Variants in UBE3A observed in about 807,000 individuals in gnomAD.
The protein encoded by UBE3A is ubiquitin-protein ligase E3A.
Under a neutral mutation model 83.4 loss-of-function variants are expected in UBE3A, and 6 were observed. The observed-to-expected ratio is 0.07, with a 90% CI of 0.04 to 0.14. The LOEUF (loss-of-function observed/expected upper bound fraction) is 0.14. UBE3A is among the 10% of genes least tolerant of loss of function. The pLI is 1.00. For synonymous variants in UBE3A, 337 were observed against 355.4 expected (o/e 0.95, Z 0.58); for missense variants, 456 against 1,036.1 (o/e 0.44, Z 7.69).
intron 11 of UBE3A, among the ~76,000 whole-genome samples, chr15:25,348,522 G>A (rs2076049193): frequency 6.6e-6 from 1 of 151,994 alleles, no homozygotes; most frequent in African/African-American, 2.4e-5. Context: ...CATAAACATT[G>A]GAAAGAAAGA....
At chr15:25,379,844 A>G (rs934006610) in intron 4 of UBE3A, among the ~76,000 whole-genome samples, 5 of 152,216 alleles carry the variant, frequency 3.3e-5, no homozygotes, top group African/African-American at 9.7e-5. Flanking sequence ...TTGAAAAATA[A>G]TAATAGTTTG....
intron 11 of UBE3A, among the ~76,000 whole-genome samples, chr15:25,353,576 C>G (rs1410092038): frequency 6.6e-6 from 1 of 152,168 alleles, no homozygotes; most frequent in Non-Finnish European, 1.5e-5. Context: ...CAAGGGTCAA[C>G]TGTAATATAA....
chr15:25,428,342 C>T (rs1011141256), intron 1 of UBE3A, among the ~76,000 whole-genome samples: 2 of 151,928 alleles, frequency 1.3e-5, no homozygotes, highest in African/African-American at 4.8e-5. Flanking sequence ...CAAAGAGTAA[C>T]AAAAAATCCT....
chr15:25,375,035 AC>A (rs2080975893), intron 5 of UBE3A: 1 of 206,934 alleles, frequency 4.8e-6, no homozygotes, highest in Non-Finnish European at 9.8e-6. Context: ...CATAACTATC[AC>A]AAAATTTTGT....
At chr15:25,339,410 ACTAC>A in intron 12 of UBE3A, 153 bp from the exon 13 acceptor site, 1 of 913,186 alleles carries the variant, frequency 1.1e-6, no homozygotes, top group Middle Eastern at 3.6e-4. Context: ...TTGTTGTGTA[ACTAC>A]CAAGTTGCCT....
At chr15:25,437,468 T>C (rs1366111005) in intron 1 of UBE3A, among the ~76,000 whole-genome samples, 1 of 152,196 alleles carries the variant, frequency 6.6e-6, no homozygotes, top group Non-Finnish European at 1.5e-5. Flanking sequence ...AAAACTGTAA[T>C]AATTTGCTGC....
intron 4 of UBE3A, among the ~76,000 whole-genome samples, chr15:25,402,978 C>G (rs924094098): frequency 3.3e-5 from 5 of 152,092 alleles, no homozygotes; most frequent in African/African-American, 1.2e-4. Context: ...GTCTGGCATC[C>G]CAACCTTTCC....
At chr15:25,403,116 TCTGG>T (rs1309886257) in intron 4 of UBE3A, among the ~76,000 whole-genome samples, 2 of 152,222 alleles carry the variant, frequency 1.3e-5, no homozygotes, top group African/African-American at 4.8e-5. Context: ...TGCATAATCT[TCTGG>T]CTATTGGAGA....
intron 8 of UBE3A, 144 bp downstream of exon 8, chr15:25,356,541 GTACTTC>G: frequency 2.6e-6 from 2 of 769,776 alleles, no homozygotes; most frequent in Middle Eastern, 3.9e-4. Context: ...AGTGTTTCTG[GTACTTC>G]GGTCAGATTA....
rs1057523244 is a variant in UBE3A, at chr15:25,371,520, G to A, written c.654C>T (p.Asp218=). ...CAGGGCCTAATTTTTGCAAATTGTT[G>A]TCTCCCTGTGAGCTATCACCTATCC... ...SSRIGDSSQG[D]NNLQKLGPDD... is the part of the protein sequence containing the mutation. Residue 218 remains aspartate (D), a synonymous_variant, in exon 6 of 13, where the codon GAC becomes GAT. Transcript: ENST00000648336. The surrounding 1 kb of genome is among the most constrained non-coding windows in gnomAD (Gnocchi z 5.3). 6.2e-6 allele frequency: 10 copies of A among 1,614,092 alleles called. No homozygotes were observed. The highest frequency in any genetic ancestry group is 8.5e-6 in the Non-Finnish European group (10 of 1,180,012).
At chr15:25,357,983 C>G (rs1184960694) in intron 7 of UBE3A, among the ~76,000 whole-genome samples, 1 of 145,466 alleles carries the variant, frequency 6.9e-6, no homozygotes, top group Non-Finnish European at 1.5e-5. Context: ...TTAGTGCAAG[C>G]TCCGCCTCCC....
chr15:25,368,095 G>C (rs1385353978), intron 6 of UBE3A, among the ~76,000 whole-genome samples: 1 of 152,032 alleles, frequency 6.6e-6, no homozygotes. Flanking sequence ...TCATAAAAAA[G>C]TGGCCACTAG....
At chr15:25,383,269 G>A (rs2082514745) in intron 4 of UBE3A, among the ~76,000 whole-genome samples, 1 of 152,092 alleles carries the variant, frequency 6.6e-6, no homozygotes, top group African/African-American at 2.4e-5. Context: ...TTAATACACT[G>A]CATTCTTAGG....
intron 1 of UBE3A, among the ~76,000 whole-genome samples, chr15:25,437,882 C>G (rs1239161903): frequency 1.3e-5 from 2 of 152,046 alleles, no homozygotes; most frequent in South Asian, 2.1e-4. Context: ...TGCTTGCATA[C>G]AGGTCTGCAT....
chr15:25,342,202 A>G (rs150102608), intron 11 of UBE3A, among the ~76,000 whole-genome samples: 1 of 152,268 alleles, frequency 6.6e-6, no homozygotes, highest in East Asian at 1.9e-4. Flanking sequence ...CCAACATAGC[A>G]GAAAAGCTGC....
At chr15:25,398,679 T>G (rs952730337) in intron 4 of UBE3A, among the ~76,000 whole-genome samples, 1 of 149,956 alleles carries the variant, frequency 6.7e-6, no homozygotes, top group African/African-American at 2.4e-5. Flanking sequence ...CCATGAACAC[T>G]TAGGCTGATG....
At chr15:25,434,458 T>A (rs1894397768) in intron 1 of UBE3A, among the ~76,000 whole-genome samples, 1 of 152,244 alleles carries the variant, frequency 6.6e-6, no homozygotes, top group Non-Finnish European at 1.5e-5. Flanking sequence ...TTATATGGCA[T>A]CTTCAAGTAT....
At chr15:25,410,192 T>C (rs2089671151) in intron 2 of UBE3A, among the ~76,000 whole-genome samples, 2 of 152,160 alleles carry the variant, frequency 1.3e-5, no homozygotes, top group Non-Finnish European at 2.9e-5. Context: ...CATAAAAATA[T>C]ATTCTACTCT....
At chr15:25,434,717 G>A (rs1894489986) in intron 1 of UBE3A, among the ~76,000 whole-genome samples, 3 of 152,184 alleles carry the variant, frequency 2.0e-5, no homozygotes, top group African/African-American at 7.2e-5. Context: ...GCCAATGTGT[G>A]CAGAGTCCTG....
Sources: allele counts gnomAD v4.1 joint callset (sites outside exome capture counted in the v4.1 genomes callset), GRCh38; gene constraint gnomAD v4.1.1; non-coding constraint Gnocchi (gnomAD v3.1); transcripts MANE v1.5; gene names NCBI Gene and HGNC (gene_info 2026-07-23, HGNC 2026-07-21).